The following TFCP2 variants were observed in gnomAD, a reference collection of about 807,000 sequenced individuals.
The protein encoded by TFCP2 is alpha-globin transcription factor CP2.
TFCP2 carries 33 observed loss-of-function variants against 73.4 expected under a neutral mutation model. The ratio of observed to expected loss-of-function variants is 0.45; its 90% CI spans 0.34 to 0.60. The LOEUF (loss-of-function observed/expected upper bound fraction) is 0.60, where lower values mean the gene tolerates loss of function less well. Ranked by LOEUF, TFCP2 falls within the 20% of genes least tolerant of loss-of-function variation. The pLI is 0.01. For missense variants in TFCP2, 352 were observed against 604.0 expected (o/e 0.58, Z 4.37); for synonymous variants, 193 against 211.6 (o/e 0.91, Z 0.76).
rs538061913 is a variant in TFCP2, at chr12:51,157,686, C to CTT, written c.122+14613_122+14614dup. Among the ~76,000 whole-genome samples, 539 of 96,016 alleles carry CTT rather than the reference C, an allele frequency of 5.6e-3. 21 individuals are homozygous for CTT. The highest frequency in any genetic ancestry group is 0.021 in the African/African-American group (490 of 23,556). 63.0% of individuals were successfully genotyped at this position (96,016 alleles called of 152,430 possible). A position where few individuals can be genotyped will look rare whatever the true frequency, so the allele number is the denominator to read the frequency against. ...TAATTTGAGTTTTTTCTTTTCTTTT[C>CTT]TTTTTTTTTTTTTTTTTTGAGACAG... On this transcript the variant is annotated intron_variant, in intron 1 of 14. Transcript: ENST00000257915.
chr12:51,097,069 T>G (rs1939982117), intron 13 of TFCP2, among the ~76,000 whole-genome samples: 1 of 152,018 alleles, frequency 6.6e-6, no homozygotes, highest in Non-Finnish European at 1.5e-5. Flanking sequence ...TTCAAGGGAT[T>G]CTCCTGCCTC....
At chr12:51,131,985 C>T (rs1940953865) in intron 1 of TFCP2, among the ~76,000 whole-genome samples, 1 of 152,128 alleles carries the variant, frequency 6.6e-6, no homozygotes. Flanking sequence ...CAATTTACAA[C>T]TAAGTTATTT....
intron 3 of TFCP2, among the ~76,000 whole-genome samples, 174 bp downstream of exon 3, chr12:51,117,497 C>G (rs1940558861): frequency 6.6e-6 from 1 of 152,132 alleles, no homozygotes; most frequent in African/African-American, 2.4e-5. Flanking sequence ...CTGGGGCTTA[C>G]TCTGACCCCA....
rs563834540 is a variant in TFCP2, at chr12:51,103,714, C to T, written c.1016G>A (p.Arg339Gln). 2.1e-5 allele frequency: 34 copies of T among 1,614,028 alleles called. No homozygotes were observed. The highest frequency in any genetic ancestry group is 5.0e-5 in the Admixed American group (3 of 60,004). ...CCTTGTGAATGTAGAAAAACGATTT[C>T]GATGCAACCACTGCTGAGCTTCCTG... ...TPQEAQQWLH[R>Q]NRFSTFTRLF... is the part of the protein sequence containing the mutation. Residue 339 changes from arginine (R) to glutamine (Q), a missense_variant, in exon 10 of 15, where the codon CGA becomes CAA. This residue lies in a region of TFCP2 where 194 missense variants were observed against 256.3 expected (regional missense o/e 0.76). Transcript: ENST00000257915.
At chr12:51,105,790 C>G (rs1205429374) in intron 8 of TFCP2, among the ~76,000 whole-genome samples, 2 of 152,162 alleles carry the variant, frequency 1.3e-5, no homozygotes, top group Non-Finnish European at 2.9e-5. Flanking sequence ...GTAGGTCAGA[C>G]ATAGAGCCTA....
chr12:51,155,222 C>A (rs573949367), intron 1 of TFCP2, among the ~76,000 whole-genome samples: 1 of 152,278 alleles, frequency 6.6e-6, no homozygotes, highest in East Asian at 1.9e-4. Flanking sequence ...GAGAGTTATG[C>A]CATTGGTTTC....
chr12:51,095,039 TG>T lies in TFCP2; in HGVS notation c.*201del. On this transcript the variant is annotated 3_prime_UTR_variant, in exon 15 of 15. Transcript: ENST00000257915. ...CTAAAACAGCTGCAGAACTGCATATTGGGCAGTAATCTGTGTGTACCACAAG... is the reference window on the plus strand; with the variant it reads ...CTAAAACAGCTGCAGAACTGCATATTGGCAGTAATCTGTGTGTACCACAAG... 1 of 638,544 alleles carries T rather than the reference TG, an allele frequency of 1.6e-6. No homozygotes were observed. The allele number at this position is 638,544 out of a possible 1,614,324, so 39.6% of individuals were successfully genotyped here.
intron 1 of TFCP2, among the ~76,000 whole-genome samples, chr12:51,130,056 T>A (rs1373732699): frequency 6.6e-6 from 1 of 151,620 alleles, no homozygotes; most frequent in Non-Finnish European, 1.5e-5. Context: ...GAGGCTGAGG[T>A]AGGAGGATCG....
At chr12:51,156,346 G>GA (rs1334303155) in intron 1 of TFCP2, among the ~76,000 whole-genome samples, 1 of 151,912 alleles carries the variant, frequency 6.6e-6, no homozygotes, top group Non-Finnish European at 1.5e-5. Context: ...GGAAGCAAGG[G>GA]GGGGGGAGGT....
At chr12:51,167,195 C>T (rs1039534534) in intron 1 of TFCP2, among the ~76,000 whole-genome samples, 4 of 152,006 alleles carry the variant, frequency 2.6e-5, no homozygotes, top group Admixed American at 6.6e-5. Context: ...ATAAAAGGAC[C>T]ACTAATAAGG....
chr12:51,135,663 G>A (rs1011061737), intron 1 of TFCP2, among the ~76,000 whole-genome samples: 1 of 152,066 alleles, frequency 6.6e-6, no homozygotes, highest in Non-Finnish European at 1.5e-5. Flanking sequence ...TCCAAATGAG[G>A]AGGAGGGATT....
chr12:51,149,756 C>T (rs568113112), intron 1 of TFCP2, among the ~76,000 whole-genome samples: 4 of 152,156 alleles, frequency 2.6e-5, no homozygotes, highest in South Asian at 2.1e-4. Context: ...TGCATCACCA[C>T]GCTCAGCTAA....
intron 1 of TFCP2, among the ~76,000 whole-genome samples, chr12:51,138,138 G>A (rs1194288747): frequency 2.0e-5 from 3 of 151,968 alleles, no homozygotes. Context: ...TTCTCTGTGT[G>A]TGTTTTGTTT....
rs777805351 is a variant in TFCP2 at position 51,094,270 on chromosome 12, G to A, written c.*971C>T. ...TCACCACCTCAAATTCTTTGATTCC[G>A]ATAACTAATGACACTTAAAAAGCAT... On this transcript the variant is annotated 3_prime_UTR_variant, in exon 15 of 15. Transcript: ENST00000257915. The A allele has an allele frequency of 4.6e-5, 7 of 152,228 alleles. No individual in the cohort carries two copies. The highest frequency in any genetic ancestry group is 4.2e-4 in the South Asian group (2 of 4,814). The allele number at this position is 152,228 out of a possible 1,614,324, so 9.4% of individuals were successfully genotyped here. A position where few individuals can be genotyped will look rare whatever the true frequency, so the allele number is the denominator to read the frequency against.
chr12:51,123,370 G>A (rs1233154169), intron 1 of TFCP2, among the ~76,000 whole-genome samples: 1 of 152,126 alleles, frequency 6.6e-6, no homozygotes, highest in Non-Finnish European at 1.5e-5. Context: ...GAGGTTAAAG[G>A]TCACTGTAAA....
chr12:51,123,449 T>C (rs1345660498), intron 1 of TFCP2, among the ~76,000 whole-genome samples: 1 of 152,168 alleles, frequency 6.6e-6, no homozygotes, highest in East Asian at 1.9e-4. Context: ...ATTTTGGAAA[T>C]ACAAAAGTCT....
chr12:51,158,264 C>A (rs1051977471), intron 1 of TFCP2, among the ~76,000 whole-genome samples: 6 of 152,052 alleles, frequency 3.9e-5, no homozygotes, highest in African/African-American at 1.4e-4. Flanking sequence ...AGAGCCCCCC[C>A]ATTCCTAAAG....
intron 1 of TFCP2, among the ~76,000 whole-genome samples, chr12:51,162,528 C>T (rs1941670384): frequency 6.6e-6 from 1 of 152,066 alleles, no homozygotes; most frequent in Non-Finnish European, 1.5e-5. Flanking sequence ...GCTAAACCAA[C>T]CTAATTAATA....
intron 12 of TFCP2, 62 bp from the exon 13 acceptor site, chr12:51,098,980 G>T (rs924254458): frequency 8.9e-5 from 139 of 1,559,748 alleles, no homozygotes; most frequent in Non-Finnish European, 1.2e-4. Context: ...CAGGTAACTT[G>T]ATCACTAGGA....
Sources: allele counts gnomAD v4.1 joint callset (sites outside exome capture counted in the v4.1 genomes callset), GRCh38; gene constraint gnomAD v4.1.1; regional missense constraint gnomAD v4.1.1; transcripts MANE v1.5; gene names NCBI Gene and HGNC (gene_info 2026-07-23, HGNC 2026-07-21).